Variants in LRP2BP observed in about 807,000 individuals in gnomAD.
LRP2BP encodes LRP2-binding protein.
LRP2BP carries 38 observed loss-of-function variants against 45.2 expected under a neutral mutation model. The ratio of observed to expected loss-of-function variants is 0.84; its 90% CI spans 0.65 to 1.10. The LOEUF is 1.10. Ranked by LOEUF, LRP2BP falls within the 50% of genes least tolerant of loss-of-function variation. The pLI is 0.00. For missense variants in LRP2BP, 385 were observed against 418.9 expected (o/e 0.92, Z 0.71); for synonymous variants, 153 against 153.9 (o/e 0.99, Z 0.04).
rs753559461 is a variant in LRP2BP at position 185,373,051 on chromosome 4, C to T, written c.608G>A (p.Gly203Asp). Reference protein sequence around the residue: ...KAFYWHSEACGNGNLESQGAL... With the variant: ...KAFYWHSEACDNGNLESQGAL... ...ACCCTGGGACTCCAGATTCCCATTGCCACATGCTTCGGAATGCCAGTAAAA... is the reference window on the plus strand; with the variant it reads ...ACCCTGGGACTCCAGATTCCCATTGTCACATGCTTCGGAATGCCAGTAAAA... Residue 203 changes from glycine (G) to aspartate (D), a missense_variant, in exon 7 of 9, where the codon GGC becomes GAC. Gly to Asp is a moderately conservative substitution (Grantham distance 94). Coordinates refer to ENST00000505916, the MANE Select transcript of LRP2BP (RefSeq NM_001377440.1). The T allele has an allele frequency of 6.2e-7, 1 of 1,610,160 alleles. No individual in the cohort carries two copies. The highest frequency in any genetic ancestry group is 8.5e-7 in the Non-Finnish European group (1 of 1,176,604).
intron 4 of LRP2BP, among the ~76,000 whole-genome samples, chr4:185,374,864 A>G (rs1237307909): frequency 6.6e-6 from 1 of 152,110 alleles, no homozygotes; most frequent in Non-Finnish European, 1.5e-5. Flanking sequence ...AATTCTTACG[A>G]TACACTTGCG....
chr4:185,385,103 TTTTA>T lies in LRP2BP; in HGVS notation c.-21-6900_-21-6897del, dbSNP rs549264379. Among the ~76,000 whole-genome samples the T allele has an allele frequency of 9.9e-5, 15 of 152,280 alleles. No individual in the cohort carries two copies. The East Asian group carries it at 2.9e-3, about 29-fold the overall frequency. ...GATGAAAGAGTCCAGTAGCTTTTGA[TTTTA>T]TTTTTCTCTGATTTACCATGTATTC... On this transcript the variant is annotated intron_variant, in intron 1 of 8. Transcript: ENST00000505916.
chr4:185,377,272 A>G, intron 2 of LRP2BP: 1 of 379,936 alleles, frequency 2.6e-6, no homozygotes, highest in South Asian at 3.7e-5. Flanking sequence ...AAATCTCAGC[A>G]CTCTGGGAGG....
intron 1 of LRP2BP, among the ~76,000 whole-genome samples, chr4:185,389,199 T>C (rs1449709360): frequency 6.6e-6 from 1 of 151,208 alleles, no homozygotes; most frequent in Non-Finnish European, 1.5e-5. Context: ...TTTATTTATT[T>C]TTATTTTTAT....
At chr4:185,371,252 A>C (rs1269896928) in intron 7 of LRP2BP, among the ~76,000 whole-genome samples, 1 of 152,138 alleles carries the variant, frequency 6.6e-6, no homozygotes, top group Non-Finnish European at 1.5e-5. Flanking sequence ...TTAAAAATAG[A>C]CAATTGGCTG....
intron 1 of LRP2BP, among the ~76,000 whole-genome samples, chr4:185,385,554 T>G (rs1372716265): frequency 2.6e-5 from 4 of 152,144 alleles, no homozygotes. Flanking sequence ...GCAGCCCCAT[T>G]AACGTTGCTT....
At chr4:185,377,244 G>C (rs1291622449) in intron 2 of LRP2BP, 3 of 469,534 alleles carry the variant, frequency 6.4e-6, no homozygotes, top group Non-Finnish European at 1.2e-5. Context: ...CTGGCCGGGC[G>C]CGGTGGCTCA....
chr4:185,394,536 GTAATA>G (rs1405945080), intron 1 of LRP2BP, among the ~76,000 whole-genome samples: 2 of 152,172 alleles, frequency 1.3e-5, no homozygotes, highest in African/African-American at 4.8e-5. Flanking sequence ...ATGTCAATTT[GTAATA>G]TAATAAACTG....
chr4:185,367,541 A>G (rs2095393559), intron 8 of LRP2BP, among the ~76,000 whole-genome samples: 1 of 152,232 alleles, frequency 6.6e-6, no homozygotes, highest in South Asian at 2.1e-4. Context: ...AAATAAGTAA[A>G]ATGGAGAGCA....
chr4:185,369,748 A>G (rs982862616), intron 8 of LRP2BP: 3 of 446,062 alleles, frequency 6.7e-6, no homozygotes, highest in African/African-American at 6.0e-5. Flanking sequence ...GGAATCCCAC[A>G]GGGAACTTCA....
Position 185,395,416 on chromosome 4 carries a change from C to A in LRP2BP, c.-659G>T, listed in dbSNP as rs1230220584. Reference sequence around the variant, plus strand: ...TCTGTGCAAACCTGAAGCTTCAACACGTGTTTTAAAAAGCAGTGCTTATTG... The same window carrying A: ...TCTGTGCAAACCTGAAGCTTCAACAAGTGTTTTAAAAAGCAGTGCTTATTG... On this transcript the variant is annotated 5_prime_UTR_variant, in exon 1 of 9. Transcript: ENST00000505916. The A allele has an allele frequency of 9.1e-6, 9 of 985,390 alleles. No homozygotes were observed. The highest frequency in any genetic ancestry group is 1.1e-5 in the Non-Finnish European group (9 of 829,920). The allele number at this position is 985,390 out of a possible 1,614,324, so 61.0% of individuals were successfully genotyped here.
In LRP2BP at chr4:185,372,925, G is replaced by A; in HGVS notation, c.734C>T (p.Ala245Val). ...GTAATACTCCACGAGATTCCCTTGA[G>A]CATAGACGTTTCCGCGTTCTGCTGC... ...REAAERGNVYAQGNLVEYYYK... is the reference protein window; with the variant it reads ...REAAERGNVYVQGNLVEYYYK... The change falls in exon 7 of 9, where the codon GCT becomes GTT. Residue 245 changes from alanine (A) to valine (V), a missense_variant. Ala to Val is a moderately conservative substitution (Grantham distance 64, BLOSUM62 0). Transcript: ENST00000505916. 2 of 1,613,860 alleles carry A rather than the reference G, an allele frequency of 1.2e-6. No homozygotes were observed. Among genetic ancestry groups the A allele is most frequent in the Non-Finnish European group, 1.7e-6 (2 of 1,179,766 alleles).
intron 1 of LRP2BP, among the ~76,000 whole-genome samples, chr4:185,385,360 ATGTGATAAT>A (rs983522655): frequency 1.3e-5 from 2 of 152,164 alleles, no homozygotes; most frequent in Non-Finnish European, 1.5e-5. Flanking sequence ...TCCTTAAAGT[ATGTGATAAT>A]TGCTCATCAC....
intron 1 of LRP2BP, among the ~76,000 whole-genome samples, chr4:185,379,323 C>T (rs949174605): frequency 3.3e-5 from 5 of 152,134 alleles, no homozygotes; most frequent in African/African-American, 1.2e-4. Context: ...CAATCCCTAT[C>T]GGATGGTGCA....
rs184530262 is a variant in LRP2BP, at chr4:185,372,860, T to G, written c.799A>C (p.Lys267Gln). ...KFFTKCVAFSKRIADYDEVHD... is the reference protein window; with the variant it reads ...KFFTKCVAFSQRIADYDEVHD... ...AGAACAGACAAAGACATTCACCTTTTGGAAAATGCAACACACTTTGTAAAA... is the reference window on the plus strand; with the variant it reads ...AGAACAGACAAAGACATTCACCTTTGGGAAAATGCAACACACTTTGTAAAA... Residue 267 changes from lysine to glutamine, a missense_variant, in exon 7 of 9, where the codon AAA (lysine) becomes CAA (glutamine). By Grantham distance (53) the Lys-to-Gln change is moderately conservative. Coordinates refer to ENST00000505916, the MANE Select transcript of LRP2BP (RefSeq NM_001377440.1). The G allele has an allele frequency of 1.4e-5, 22 of 1,599,500 alleles. No homozygotes were observed. Among genetic ancestry groups the G allele is most frequent in the Non-Finnish European group, 1.8e-5 (21 of 1,167,628 alleles).
intron 4 of LRP2BP, among the ~76,000 whole-genome samples, chr4:185,375,069 A>G (rs536043911): frequency 3.9e-4 from 60 of 152,082 alleles, no homozygotes; most frequent in Middle Eastern, 3.4e-3. Flanking sequence ...CAAACCTTCA[A>G]ACATCACCCA....
chr4:185,376,776 C>T, intron 3 of LRP2BP, 133 bp downstream of exon 3: 5 of 633,584 alleles, frequency 7.9e-6, no homozygotes, highest in Non-Finnish European at 1.4e-5. Context: ...ACTGTTAAAG[C>T]CACAGCCATA....
At chr4:185,383,439 C>A (rs1228651078) in intron 1 of LRP2BP, among the ~76,000 whole-genome samples, 2 of 152,200 alleles carry the variant, frequency 1.3e-5, no homozygotes, top group Non-Finnish European at 2.9e-5. Flanking sequence ...ATGACTGTGC[C>A]ATTGCACTCC....
In LRP2BP at chr4:185,395,709, T is replaced by A. The variant is rs1431725082; in HGVS notation, c.-952A>T. 1 of 985,294 alleles carries A rather than the reference T, an allele frequency of 1.0e-6. No individual in the cohort carries two copies. Among genetic ancestry groups the A allele is most frequent in the African/African-American group, 1.7e-5 (1 of 57,248 alleles). 61.0% of individuals were successfully genotyped at this position (985,294 alleles called of 1,614,324 possible). A position where few individuals can be genotyped will look rare whatever the true frequency, so the allele number is the denominator to read the frequency against. On this transcript the variant is annotated 5_prime_UTR_variant, in exon 1 of 9. Transcript: ENST00000505916. The stretch of plus-strand genomic sequence containing the variant: ...TTGCGATTGCAAATTTTATGGCTCT[T>A]ACTACAAAACAAAAAGTAGAATGAA...
Sources: allele counts gnomAD v4.1 joint callset (sites outside exome capture counted in the v4.1 genomes callset), GRCh38; gene constraint gnomAD v4.1.1; transcripts MANE v1.5; gene names NCBI Gene and HGNC (gene_info 2026-07-23, HGNC 2026-07-21).